Variants in OPCML observed in about 807,000 individuals in gnomAD.
OPCML encodes opioid-binding protein/cell adhesion molecule.
Under a neutral mutation model 37.8 loss-of-function variants are expected in OPCML, and 13 were observed. The ratio of observed to expected loss-of-function variants is 0.34; its 90% CI spans 0.22 to 0.55. The LOEUF (loss-of-function observed/expected upper bound fraction) is 0.55, where lower values mean the gene tolerates loss of function less well. Ranked by LOEUF, OPCML falls within the 20% of genes least tolerant of loss-of-function variation. The pLI, the probability that OPCML is intolerant of heterozygous loss-of-function variation, is 0.91. For missense variants in OPCML, 341 were observed against 435.6 expected (o/e 0.78, Z 1.93); for synonymous variants, 176 against 168.8 (o/e 1.04, Z -0.33).
chr11:132,492,274 G>C (rs555350349), intron 4 of OPCML, among the ~76,000 whole-genome samples: 1 of 152,012 alleles, frequency 6.6e-6, no homozygotes, highest in Non-Finnish European at 1.5e-5. Context: ...AGGGGCCCGC[G>C]AGGAGAAACA....
At chr11:132,586,227 T>C (rs1301718700) in intron 3 of OPCML, among the ~76,000 whole-genome samples, 1 of 152,202 alleles carries the variant, frequency 6.6e-6, no homozygotes, top group Admixed American at 6.5e-5. Context: ...CCATCCCTAA[T>C]CAAACTAGCA....
chr11:133,170,509 T>C (rs982440461), intron 1 of OPCML, among the ~76,000 whole-genome samples: 1 of 149,126 alleles, frequency 6.7e-6, no homozygotes, highest in Non-Finnish European at 1.5e-5. Flanking sequence ...AAAAAGGATA[T>C]AGCAAGGCTT....
At chr11:132,486,577 A>G (rs2096200477) in intron 4 of OPCML, among the ~76,000 whole-genome samples, 1 of 152,114 alleles carries the variant, frequency 6.6e-6, no homozygotes, top group African/African-American at 2.4e-5. Context: ...TGCAGTAAGG[A>G]ACATATTTAC....
At chr11:132,909,084 C>T (rs1944338883) in intron 2 of OPCML, among the ~76,000 whole-genome samples, 1 of 152,230 alleles carries the variant, frequency 6.6e-6, no homozygotes, top group African/African-American at 2.4e-5. Flanking sequence ...ACCACCCACA[C>T]GGCAGAGCTG....
At chr11:132,810,235 T>C (rs922951796) in intron 2 of OPCML, among the ~76,000 whole-genome samples, 16 of 152,302 alleles carry the variant, frequency 1.1e-4, no homozygotes, top group African/African-American at 3.6e-4. Context: ...CATGGAATCG[T>C]GGACATGAAA....
chr11:132,649,357 C>G (rs529445969), intron 3 of OPCML, among the ~76,000 whole-genome samples: 19 of 152,212 alleles, frequency 1.2e-4, no homozygotes, highest in African/African-American at 4.6e-4. Context: ...CTAGGAGACG[C>G]GTGAAGGTCA....
intron 2 of OPCML, among the ~76,000 whole-genome samples, chr11:132,731,036 C>T (rs1483706438): frequency 6.6e-6 from 1 of 152,180 alleles, no homozygotes. Flanking sequence ...GAATCTAGAG[C>T]TGTGCAGTTC....
intron 1 of OPCML, among the ~76,000 whole-genome samples, chr11:133,082,556 C>T (rs1948746228): frequency 6.9e-6 from 1 of 143,968 alleles, no homozygotes; most frequent in Non-Finnish European, 1.5e-5. Context: ...CCTCGCCCAT[C>T]CCCCTTCCCC....
intron 1 of OPCML, among the ~76,000 whole-genome samples, chr11:133,116,758 T>TGAA (rs1949339996): frequency 6.6e-6 from 1 of 150,756 alleles, no homozygotes; most frequent in Non-Finnish European, 1.5e-5. Flanking sequence ...ATTCATTTTT[T>TGAA]CTTTGTAACT....
chr11:132,954,625 C>G (rs760192512), intron 1 of OPCML, among the ~76,000 whole-genome samples: 1 of 152,088 alleles, frequency 6.6e-6, no homozygotes, highest in Non-Finnish European at 1.5e-5. Context: ...AGTAAAACTA[C>G]GCTGTTGGCA....
intron 2 of OPCML, among the ~76,000 whole-genome samples, chr11:132,862,801 C>G (rs918832007): frequency 2.6e-5 from 4 of 152,214 alleles, no homozygotes; most frequent in Non-Finnish European, 5.9e-5. Flanking sequence ...AAACTCTTCT[C>G]TAAAGCTTTT....
intron 7 of OPCML, among the ~76,000 whole-genome samples, chr11:132,427,194 GCA>G (rs1310319904): frequency 3.3e-5 from 5 of 152,172 alleles, no homozygotes; most frequent in Admixed American, 6.5e-5. Context: ...CTTGTTGACA[GCA>G]CAGTGAGATT....
At chr11:133,199,827 T>C (rs777892171) in intron 1 of OPCML, among the ~76,000 whole-genome samples, 5 of 152,112 alleles carry the variant, frequency 3.3e-5, no homozygotes, top group Admixed American at 6.5e-5. Flanking sequence ...TAAAGTAGAG[T>C]CTCCAAGAAG....
intron 1 of OPCML, among the ~76,000 whole-genome samples, chr11:133,146,455 C>A (rs1463730871): frequency 2.6e-5 from 4 of 151,958 alleles, no homozygotes; most frequent in Non-Finnish European, 4.4e-5. Context: ...GCTGGGATTA[C>A]AGGCACCCGC....
At chr11:132,825,455 C>T (rs1940251098) in intron 2 of OPCML, among the ~76,000 whole-genome samples, 2 of 152,130 alleles carry the variant, frequency 1.3e-5, no homozygotes, top group South Asian at 4.1e-4. Context: ...TGATATTGGA[C>T]ACATTTTTGA....
intron 2 of OPCML, chr11:132,771,851 T>A (rs10894604): frequency 6.6e-6 from 1 of 152,096 alleles, no homozygotes; most frequent in Non-Finnish European, 1.5e-5. Flanking sequence ...AGAAAAAAAG[T>A]GTTACATCTC....
At chr11:132,443,513 G>T (rs1444087254) in intron 4 of OPCML, among the ~76,000 whole-genome samples, 1 of 152,224 alleles carries the variant, frequency 6.6e-6, no homozygotes, top group East Asian at 1.9e-4. Context: ...AAATGTCCAG[G>T]TGATTGACGA....
At chr11:133,458,861 A>G (rs541061063) in intron 1 of OPCML, among the ~76,000 whole-genome samples, 3 of 143,928 alleles carry the variant, frequency 2.1e-5, no homozygotes, top group African/African-American at 5.8e-5. Flanking sequence ...GTGTGTGTGT[A>G]TATATACACA....
At chr11:133,261,114 A>G (rs188992361) in intron 1 of OPCML, among the ~76,000 whole-genome samples, 5 of 152,332 alleles carry the variant, frequency 3.3e-5, no homozygotes, top group Admixed American at 3.3e-4. Flanking sequence ...TGGATATCAC[A>G]TCAAGTGCTC....
Sources: allele counts gnomAD v4.1 joint callset (sites outside exome capture counted in the v4.1 genomes callset), GRCh38; gene constraint gnomAD v4.1.1; transcripts MANE v1.5; gene names NCBI Gene and HGNC (gene_info 2026-07-23, HGNC 2026-07-21).